SMPDL3B: variants seen among roughly 807,000 people sequenced by gnomAD.
The protein encoded by SMPDL3B is acid sphingomyelinase-like phosphodiesterase 3b.
SMPDL3B carries 31 observed loss-of-function variants against 37.9 expected under a neutral mutation model. That is an observed-to-expected ratio of 0.82 (90% CI 0.61 to 1.10). The LOEUF (loss-of-function observed/expected upper bound fraction) is 1.10, where lower values mean the gene tolerates loss of function less well. Ranked by LOEUF, SMPDL3B falls within the 50% of genes least tolerant of loss-of-function variation. SMPDL3B has a pLI of 0.00. For synonymous variants in SMPDL3B, 235 were observed against 242.6 expected (o/e 0.97, Z 0.29); for missense variants, 525 against 597.8 (o/e 0.88, Z 1.27).
rs187086922 is a variant in SMPDL3B, at chr1:27,945,689, C to T, written c.275+244C>T. 3.8e-3 allele frequency among the ~76,000 whole-genome samples: 575 copies of T among 152,286 alleles called. 1 individual carries two copies. The highest frequency in any genetic ancestry group is 6.5e-3 in the Non-Finnish European group (443 of 68,018). ...TGGCAGAACGCAGCTCTCAATCAGG[C>T]TTTTGGACGTGGTCCTGGCATGCCT... On this transcript the variant is annotated intron_variant, in intron 2 of 7. Transcript: ENST00000373894. This position sits in a 1 kb window ranked among gnomAD's most constrained non-coding sequence, Gnocchi z 4.0.
At chr1:27,943,810 G>A (rs1571651151) in intron 1 of SMPDL3B, among the ~76,000 whole-genome samples, 1 of 151,458 alleles carries the variant, frequency 6.6e-6, no homozygotes, top group Non-Finnish European at 1.5e-5. Flanking sequence ...GACCAGCCTG[G>A]CTAACATGGC....
chr1:27,949,367 CA>C (rs2090436557), intron 3 of SMPDL3B, among the ~76,000 whole-genome samples: 7 of 152,196 alleles, frequency 4.6e-5, no homozygotes, highest in Admixed American at 4.6e-4. Context: ...GGTGGATACA[CA>C]CAGAATCCTA....
In SMPDL3B at chr1:27,953,256, C is replaced by T. The variant is rs2148680015; in HGVS notation, c.415C>T (p.Pro139Ser). ...YAALGNHDFH[P>S]KNQFPAGSNN... The stretch of plus-strand genomic sequence containing the variant: ...TGCTTTGGGAAATCATGATTTTCAC[C>T]CCAAAAACCAGTTCCCAGCTGGAAG... Residue 139 changes from proline (P) to serine (S), a missense_variant, in exon 4 of 8, where the codon CCC becomes TCC. Transcript: ENST00000373894. The T allele has an allele frequency of 6.2e-7, 1 of 1,613,410 alleles. No homozygotes were observed. The highest frequency in any genetic ancestry group is 8.5e-7 in the Non-Finnish European group (1 of 1,179,492).
At chr1:27,937,524 G>T (rs1470255568) in intron 1 of SMPDL3B, among the ~76,000 whole-genome samples, 1 of 152,194 alleles carries the variant, frequency 6.6e-6, no homozygotes, top group Non-Finnish European at 1.5e-5. Context: ...TGTGTTTTGG[G>T]GCTAATGCTA....
intron 1 of SMPDL3B, among the ~76,000 whole-genome samples, chr1:27,943,820 C>G (rs922140143): frequency 6.6e-6 from 1 of 150,512 alleles, no homozygotes; most frequent in Non-Finnish European, 1.5e-5. Context: ...GCTAACATGG[C>G]GAAACCCCAT....
intron 1 of SMPDL3B, among the ~76,000 whole-genome samples, chr1:27,935,463 T>A (rs533850078): frequency 6.6e-6 from 1 of 152,154 alleles, no homozygotes; most frequent in Non-Finnish European, 1.5e-5. Context: ...ACACCGACAT[T>A]GCGAAGAGGT....
chr1:27,956,949 C>G lies in SMPDL3B; in HGVS notation c.1005+867C>G, dbSNP rs114257992. Among the ~76,000 whole-genome samples, 925 of 151,840 alleles carry G rather than the reference C, an allele frequency of 6.1e-3. 14 individuals carry two copies. Among genetic ancestry groups the G allele is most frequent in the African/African-American group, 0.021 (870 of 41,344 alleles). On this transcript the variant is annotated intron_variant, in intron 7 of 7. Transcript: ENST00000373894. The stretch of plus-strand genomic sequence containing the variant: ...GGGTATCTTGGGGAGGTGGAGGGAA[C>G]AGCAAGTCAAAGGCCCCGGGGTGGG...
At chr1:27,948,480 A>T (rs2148677645) in intron 2 of SMPDL3B, among the ~76,000 whole-genome samples, 1 of 152,264 alleles carries the variant, frequency 6.6e-6, no homozygotes, top group Middle Eastern at 3.4e-3. Context: ...AGCATTTCTA[A>T]GGTGGACCCA....
intron 5 of SMPDL3B, 119 bp from the exon 6 acceptor site, chr1:27,955,565 G>A (rs1192016055): frequency 1.4e-5 from 13 of 946,112 alleles, no homozygotes; most frequent in Non-Finnish European, 2.1e-5. Flanking sequence ...GGCCTTCAGG[G>A]AGGAGATACA....
intron 5 of SMPDL3B, 38 bp downstream of exon 5, chr1:27,954,564 T>C: frequency 6.3e-7 from 1 of 1,595,606 alleles, no homozygotes; most frequent in East Asian, 2.2e-5. Flanking sequence ...CATCTGGGGT[T>C]ATTTCCTGCA....
chr1:27,940,896 T>C (rs1366879150), intron 1 of SMPDL3B, among the ~76,000 whole-genome samples: 1 of 152,152 alleles, frequency 6.6e-6, no homozygotes, highest in Non-Finnish European at 1.5e-5. Context: ...AAGGGGTAAT[T>C]GCAGGTAACG....
chr1:27,947,440 A>C (rs2090419325), intron 2 of SMPDL3B, among the ~76,000 whole-genome samples: 1 of 151,642 alleles, frequency 6.6e-6, no homozygotes, highest in Non-Finnish European at 1.5e-5. Flanking sequence ...AATTATAATA[A>C]AATTTGACTT....
chr1:27,950,290 A>G (rs115536391), intron 3 of SMPDL3B, among the ~76,000 whole-genome samples: 31 of 152,300 alleles, frequency 2.0e-4, no homozygotes, highest in African/African-American at 7.2e-4. Flanking sequence ...CCCTGACCCC[A>G]ACAGCAGGCA....
At position 27,955,933 on chromosome 1, in the gene SMPDL3B, G is replaced by A. The variant is rs759959641; in HGVS notation, c.872-16G>A. ...CTCCCCAGACCCGCTCAGTCCTGCT[G>A]TCTCTCTCCTGACAGGTGTCCCCAT... On this transcript the variant is annotated splice_polypyrimidine_tract_variant and intron_variant, in intron 6 of 7. Transcript: ENST00000373894. 1.2e-6 allele frequency: 2 copies of A among 1,613,912 alleles called. No homozygotes were observed. The highest frequency in any genetic ancestry group is 1.7e-6 in the Non-Finnish European group (2 of 1,179,894).
rs145282396 is a variant in SMPDL3B at position 27,945,482 on chromosome 1, G to A, written c.275+37G>A. 68 of 1,541,036 alleles carry A rather than the reference G, an allele frequency of 4.4e-5. No homozygotes were observed. In the East Asian group the frequency reaches 1.5e-3, roughly 34 times the overall value. The stretch of plus-strand genomic sequence containing the variant: ...TGAGGTGGCAGCTACCCTTTGCCAG[G>A]CATCTGCTATGTGCTACATACCAGT... On this transcript the variant is annotated intron_variant, in intron 2 of 7. Transcript: ENST00000373894. This position sits in a 1 kb window ranked among gnomAD's most constrained non-coding sequence, Gnocchi z 4.0.
intron 1 of SMPDL3B, chr1:27,942,162 G>A (rs932052400): frequency 3.1e-5 from 12 of 383,194 alleles, no homozygotes; most frequent in South Asian, 2.4e-4. Flanking sequence ...GTGGAGAAAT[G>A]TTCCTGAATA....
intron 1 of SMPDL3B, among the ~76,000 whole-genome samples, chr1:27,943,757 G>A (rs1432789140): frequency 6.6e-6 from 1 of 152,114 alleles, no homozygotes; most frequent in Non-Finnish European, 1.5e-5. Flanking sequence ...CCAGCACTTT[G>A]GGAAGCTGAG....
chr1:27,949,698 C>T (rs146863970), intron 3 of SMPDL3B, among the ~76,000 whole-genome samples: 42 of 152,272 alleles, frequency 2.8e-4, no homozygotes, highest in African/African-American at 7.5e-4. Flanking sequence ...ATAGGGTCTG[C>T]GTGCCCCATC....
At chr1:27,940,038 C>A (rs2090343784) in intron 1 of SMPDL3B, among the ~76,000 whole-genome samples, 1 of 152,162 alleles carries the variant, frequency 6.6e-6, no homozygotes, top group Non-Finnish European at 1.5e-5. Flanking sequence ...AGAGTCAATG[C>A]ATTTTTTTCC....
Sources: gnomAD v4.1 joint callset for allele counts (sites outside exome capture counted in the v4.1 genomes callset) on GRCh38, gnomAD v4.1.1 for gene constraint, Gnocchi (gnomAD v3.1) non-coding constraint, MANE v1.5 for transcripts, NCBI Gene and HGNC (gene_info 2026-07-23, HGNC 2026-07-21) for gene names.